The following KCNN3 variants were observed in gnomAD, a reference collection of about 807,000 sequenced individuals.
KCNN3 encodes the protein small conductance calcium-activated potassium channel protein 3.
A neutral mutation model predicts 62.9 loss-of-function variants in KCNN3; 16 were observed. That is an observed-to-expected ratio of 0.25 (90% CI 0.17 to 0.39). The LOEUF (loss-of-function observed/expected upper bound fraction) is 0.39, where lower values mean the gene tolerates loss of function less well. Among genes scored for constraint, KCNN3 ranks in the 10% least tolerant of loss-of-function variants. The pLI is 1.00. For missense variants in KCNN3, 599 were observed against 949.4 expected (o/e 0.63, Z 4.85); for synonymous variants, 370 against 389.2 (o/e 0.95, Z 0.58).
chr1:154,843,037 A>G (rs114840522), intron 1 of KCNN3, among the ~76,000 whole-genome samples: 255 of 152,344 alleles, frequency 1.7e-3, no homozygotes, highest in Middle Eastern at 6.8e-3. Flanking sequence ...CACTTATAAT[A>G]GGAGCTCAAT....
In KCNN3 at chr1:154,701,500, G is replaced by T. The variant is rs1699851869; in HGVS notation, c.*6476C>A. 2 of 152,260 alleles carry T rather than the reference G, an allele frequency of 1.3e-5. No individual in the cohort carries two copies. Among genetic ancestry groups the T allele is most frequent in the African/African-American group, 4.8e-5 (2 of 41,470 alleles). The allele number at this position is 152,260 out of a possible 1,614,324, so 9.4% of individuals were successfully genotyped here. A position where few individuals can be genotyped will look rare whatever the true frequency, so the allele number is the denominator to read the frequency against. Reference sequence around the variant, plus strand: ...GGGAACTGAGAACTTCTACATGTATGTCTCAGCTGCTCTGTAGAGAAAGAG... The same window carrying T: ...GGGAACTGAGAACTTCTACATGTATTTCTCAGCTGCTCTGTAGAGAAAGAG... On this transcript the variant is annotated 3_prime_UTR_variant, in exon 8 of 8. Transcript: ENST00000271915.
chr1:154,842,884 C>G (rs944452934), intron 1 of KCNN3, among the ~76,000 whole-genome samples: 1 of 152,160 alleles, frequency 6.6e-6, no homozygotes, highest in Non-Finnish European at 1.5e-5. Flanking sequence ...CTTAGAGCCC[C>G]ACTTTGCCAC....
intron 1 of KCNN3, among the ~76,000 whole-genome samples, chr1:154,851,919 C>A (rs1227672677): frequency 6.6e-6 from 1 of 152,212 alleles, no homozygotes. Flanking sequence ...CTCCTCAGGA[C>A]GGTCTACAAA....
Position 154,776,742 on chromosome 1 carries a change from T to C in KCNN3, c.1030-4349A>G, listed in dbSNP as rs138205354. 2.0e-3 allele frequency among the ~76,000 whole-genome samples: 308 copies of C among 152,370 alleles called. 2 individuals carry two copies. Among genetic ancestry groups the C allele is most frequent in the African/African-American group, 7.0e-3 (291 of 41,582 alleles). On this transcript the variant is annotated intron_variant, in intron 2 of 7. Transcript: ENST00000271915. ...TTGATTTGCATGTGTGAGGTTTTGC[T>C]GTCTCTCCCCTTAGACATGGTTCTC...
chr1:154,834,061 T>A (rs1484066937), intron 1 of KCNN3, among the ~76,000 whole-genome samples: 1 of 152,232 alleles, frequency 6.6e-6, no homozygotes, highest in Non-Finnish European at 1.5e-5. Context: ...ATTGTTTGGA[T>A]GTGATGGACG....
intron 4 of KCNN3, among the ~76,000 whole-genome samples, chr1:154,732,696 G>A (rs908790450): frequency 1.2e-4 from 19 of 152,222 alleles, no homozygotes; most frequent in African/African-American, 4.6e-4. Context: ...CTGCACAGCA[G>A]TGGGGTGGGC....
chr1:154,805,725 C>T (rs1390653852), intron 2 of KCNN3, among the ~76,000 whole-genome samples: 1 of 152,072 alleles, frequency 6.6e-6, no homozygotes, highest in African/African-American at 2.4e-5. Context: ...TGCCACTTAC[C>T]GGCTGTGTGA....
intron 3 of KCNN3, among the ~76,000 whole-genome samples, chr1:154,749,016 G>A (rs1700999940): frequency 6.6e-6 from 1 of 152,154 alleles, no homozygotes; most frequent in Non-Finnish European, 1.5e-5. Flanking sequence ...CCCTGTCTTT[G>A]ACCATATTAC....
intron 5 of KCNN3, among the ~76,000 whole-genome samples, chr1:154,722,676 G>A (rs1007886248): frequency 1.3e-5 from 2 of 151,892 alleles, no homozygotes; most frequent in African/African-American, 4.8e-5. Flanking sequence ...ACAGGCATGA[G>A]CCACCGCGCC....
rs777932235 is a variant in KCNN3, at chr1:154,772,303, C to T, written c.1120G>A (p.Ala374Thr). 3.7e-6 allele frequency: 6 copies of T among 1,614,080 alleles called. No individual in the cohort carries two copies. The highest frequency in any genetic ancestry group is 1.6e-4 in the Middle Eastern group (1 of 6,062). The change falls in exon 3 of 8, where the codon GCC (alanine) becomes ACC (threonine). Residue 374 changes from alanine (A) to threonine (T), a missense_variant. Around this residue, in one of 7 missense-constraint regions of KCNN3, gnomAD observed 288 missense variants for 557.4 expected, o/e 0.52. Transcript: ENST00000271915. The surrounding 1 kb of genome is among the most constrained non-coding windows in gnomAD (Gnocchi z 5.6). Reference sequence around the variant, plus strand: ...TACTCGCCAGGAATGGGGTGGATGGCGCACACCAGCATCTCCAGGCTGATG... The same window carrying T: ...TACTCGCCAGGAATGGGGTGGATGGTGCACACCAGCATCTCCAGGCTGATG... ...LYISLEMLVC[A>T]IHPIPGEYKF...
chr1:154,756,341 GGAA>G (rs1647710518), intron 3 of KCNN3, among the ~76,000 whole-genome samples: 2 of 151,980 alleles, frequency 1.3e-5, no homozygotes, highest in South Asian at 4.2e-4. Flanking sequence ...AAGAGGAGGA[GGAA>G]GAAGAAGAAA....
intron 1 of KCNN3, among the ~76,000 whole-genome samples, chr1:154,826,963 A>AT (rs1279521377): frequency 4.6e-5 from 7 of 152,240 alleles, no homozygotes; most frequent in Non-Finnish European, 1.0e-4. Context: ...GTATATGTGT[A>AT]TGGTTGTGTG....
At chr1:154,850,425 G>A (rs1295800823) in intron 1 of KCNN3, among the ~76,000 whole-genome samples, 2 of 152,172 alleles carry the variant, frequency 1.3e-5, no homozygotes, top group Non-Finnish European at 1.5e-5. Context: ...CTCCAAGCCC[G>A]GGTGCCAGCA....
intron 2 of KCNN3, among the ~76,000 whole-genome samples, chr1:154,797,942 C>T (rs1282495593): frequency 6.6e-6 from 1 of 152,176 alleles, no homozygotes. Flanking sequence ...ATCACTGAGG[C>T]CTTCTCCAGC....
chr1:154,739,243 C>T (rs1700777691), intron 3 of KCNN3, among the ~76,000 whole-genome samples: 1 of 152,178 alleles, frequency 6.6e-6, no homozygotes, highest in Non-Finnish European at 1.5e-5. Flanking sequence ...ATCATATCAA[C>T]AGAACACCAA....
At chr1:154,782,793 G>C (rs1326962048) in intron 2 of KCNN3, among the ~76,000 whole-genome samples, 1 of 152,218 alleles carries the variant, frequency 6.6e-6, no homozygotes, top group Non-Finnish European at 1.5e-5. Flanking sequence ...AACCAAGACA[G>C]GTTCAATCAA....
At chr1:154,829,737 T>C (rs1404354198) in intron 1 of KCNN3, among the ~76,000 whole-genome samples, 1 of 151,924 alleles carries the variant, frequency 6.6e-6, no homozygotes, top group Non-Finnish European at 1.5e-5. Flanking sequence ...CTGAACGGGG[T>C]CCATATACCC....
rs1275822430 is a variant in KCNN3, at chr1:154,706,882, T to G, written c.*1094A>C. On this transcript the variant is annotated 3_prime_UTR_variant, in exon 8 of 8. Coordinates refer to ENST00000271915, the MANE Select transcript of KCNN3 (RefSeq NM_002249.6). ...ATATTTCTATTCACTAAGGTGTTAT[T>G]GGATTGCTCCTGTTTGTGCATGTCT... 1 of 152,230 alleles carries G rather than the reference T, an allele frequency of 6.6e-6. No homozygotes were observed. The highest frequency in any genetic ancestry group is 1.5e-5 in the Non-Finnish European group (1 of 68,026). The allele number at this position is 152,230 out of a possible 1,614,324, so 9.4% of individuals were successfully genotyped here.
Position 154,862,481 on chromosome 1 carries a change from G to A in KCNN3, c.933+6551C>T, listed in dbSNP as rs538769601. The stretch of plus-strand genomic sequence containing the variant: ...GTTATGTATGGACATGTCCAGTCAG[G>A]TCTAGGGGTCCTGCTGGCCCTCCAG... On this transcript the variant is annotated intron_variant, in intron 1 of 7. Transcript: ENST00000271915. This position sits in a 1 kb window ranked among gnomAD's most constrained non-coding sequence, Gnocchi z 4.1. Among the ~76,000 whole-genome samples, 2 of 152,274 alleles carry A rather than the reference G, an allele frequency of 1.3e-5. No individual in the cohort carries two copies. Among genetic ancestry groups the A allele is most frequent in the South Asian group, 4.2e-4 (2 of 4,818 alleles).
Sources: gnomAD v4.1 joint callset for allele counts (sites outside exome capture counted in the v4.1 genomes callset) on GRCh38, gnomAD v4.1.1 for gene constraint, gnomAD v4.1.1 regional missense constraint, Gnocchi (gnomAD v3.1) non-coding constraint, MANE v1.5 for transcripts, NCBI Gene and HGNC (gene_info 2026-07-23, HGNC 2026-07-21) for gene names.